The following LINGO1 variants were observed in gnomAD, a reference collection of about 807,000 sequenced individuals.
LINGO1 encodes the protein leucine-rich repeat and immunoglobulin-like domain-containing nogo receptor-interacting protein 1.
A neutral mutation model predicts 37.3 loss-of-function variants in LINGO1; 11 were observed. The ratio of observed to expected loss-of-function variants is 0.29; its 90% CI spans 0.19 to 0.49. LINGO1 has a LOEUF of 0.49. LINGO1 is among the 20% of genes least tolerant of loss of function. The pLI, the probability that LINGO1 is intolerant of heterozygous loss-of-function variation, is 0.99. For missense variants in LINGO1, 585 were observed against 878.2 expected (o/e 0.67, Z 4.22); for synonymous variants, 387 against 403.0 (o/e 0.96, Z 0.48).
chr15:77,760,544 C>A (rs2076465041), intron 1 of LINGO1, among the ~76,000 whole-genome samples: 1 of 152,244 alleles, frequency 6.6e-6, no homozygotes, highest in South Asian at 2.1e-4. Flanking sequence ...TTTATTTCCA[C>A]ATGGGAGCAA....
rs571020516 is a variant in LINGO1, at chr15:77,681,740, G to T, written c.-98-4566C>A. Among the ~76,000 whole-genome samples, 4 of 152,266 alleles carry T rather than the reference G, an allele frequency of 2.6e-5. No individual in the cohort carries two copies. The East Asian group carries it at 7.7e-4, about 29-fold the overall frequency. ...TGGGAATGGAGGAAGAGCTGGCACA[G>T]GAATGAGGGGACAGGTGGAGGGAGG... On this transcript the variant is annotated intron_variant, in intron 2 of 3. Coordinates refer to the LINGO1 transcript ENST00000559893.
intron 2 of LINGO1, among the ~76,000 whole-genome samples, chr15:77,718,246 G>T (rs1404285370): frequency 2.0e-5 from 3 of 150,968 alleles, no homozygotes; most frequent in African/African-American, 7.2e-5. Flanking sequence ...GTGTGAACAT[G>T]CAGGGACAGA....
intron 3 of LINGO1, among the ~76,000 whole-genome samples, chr15:77,672,331 G>C (rs2075265370): frequency 1.3e-5 from 2 of 151,950 alleles, no homozygotes; most frequent in Non-Finnish European, 2.9e-5. Flanking sequence ...CCCCCACTCA[G>C]TGTCCTCAGC....
chr15:77,704,190 C>T (rs2075819785), intron 2 of LINGO1, among the ~76,000 whole-genome samples: 1 of 152,130 alleles, frequency 6.6e-6, no homozygotes, highest in Admixed American at 6.5e-5. Context: ...AGCTTCTGCT[C>T]ATCAGGGCTC....
Position 77,794,495 on chromosome 15 carries a change from C to T in LINGO1, c.-343+1444G>A, listed in dbSNP as rs28450979. On this transcript the variant is annotated intron_variant, in intron 2 of 5. Coordinates refer to the LINGO1 transcript ENST00000562933. ...GTATATGTATATACATACATATATA[C>T]GTATATATGTGTATATACATACATA... 2.1e-4 allele frequency among the ~76,000 whole-genome samples: 24 copies of T among 112,420 alleles called. 2 individuals are homozygous for T. Among genetic ancestry groups the T allele is most frequent in the African/African-American group, 3.1e-4 (9 of 28,970 alleles). The allele number at this position is 112,420 out of a possible 152,430, so 73.8% of individuals were successfully genotyped here.
intron 2 of LINGO1, among the ~76,000 whole-genome samples, chr15:77,689,558 A>G (rs2141247131): frequency 6.6e-6 from 1 of 152,258 alleles, no homozygotes; most frequent in East Asian, 1.9e-4. Context: ...GCTCACGGCC[A>G]ATGACTGATT....
At chr15:77,679,882 T>C (rs894139700) in intron 2 of LINGO1, among the ~76,000 whole-genome samples, 10 of 152,286 alleles carry the variant, frequency 6.6e-5, no homozygotes, top group African/African-American at 2.2e-4. Context: ...GTGGAGAGAA[T>C]AAACAGGAGT....
rs772180754 is a variant in LINGO1 at position 77,701,741 on chromosome 15, C to T, written c.-194-10840G>A. On this transcript the variant is annotated intron_variant, in intron 2 of 3. Coordinates refer to the LINGO1 transcript ENST00000561686. ...CCCTCACTTCCTTTCTCTTGTCATG[C>T]GATGCCAGCTCCCCTTTGCTCTCTG... Among the ~76,000 whole-genome samples, 13 of 152,182 alleles carry T rather than the reference C, an allele frequency of 8.5e-5. 1 individual carries two copies. The highest frequency in any genetic ancestry group is 2.0e-4 in the Admixed American group (3 of 15,282).
chr15:77,742,516 T>C (rs912224839), intron 1 of LINGO1, among the ~76,000 whole-genome samples: 1 of 152,200 alleles, frequency 6.6e-6, no homozygotes, highest in Non-Finnish European at 1.5e-5. Flanking sequence ...AGCCAGCACC[T>C]GGTGGAGGCA....
intron 1 of LINGO1, among the ~76,000 whole-genome samples, chr15:77,775,013 G>A (rs1342159179): frequency 2.6e-5 from 4 of 152,164 alleles, no homozygotes; most frequent in East Asian, 1.9e-4. Context: ...GTCTCACGTC[G>A]CCTGGGGCTG....
At chr15:77,757,170 C>T (rs1451025075) in intron 1 of LINGO1, among the ~76,000 whole-genome samples, 1 of 152,252 alleles carries the variant, frequency 6.6e-6, no homozygotes, top group Non-Finnish European at 1.5e-5. Context: ...AGGGCCACCT[C>T]CTCTAGGAGG....
rs928637390 is a variant in LINGO1 at position 77,819,097 on chromosome 15, T to C, written c.-458+1161A>G. 4.7e-3 allele frequency among the ~76,000 whole-genome samples: 673 copies of C among 142,916 alleles called. 5 individuals are homozygous for C. Among genetic ancestry groups the C allele is most frequent in the African/African-American group, 0.017 (636 of 38,144 alleles). 93.8% of individuals were successfully genotyped at this position (142,916 alleles called of 152,430 possible). Reference sequence around the variant, plus strand: ...GCACGCCCCCTCCCAGCCCCAAGCGTGCACGCCCCCCACGGACGCGCACCC... The same window carrying C: ...GCACGCCCCCTCCCAGCCCCAAGCGCGCACGCCCCCCACGGACGCGCACCC... On this transcript the variant is annotated intron_variant, in intron 1 of 5. Coordinates refer to the LINGO1 transcript ENST00000562933.
At chr15:77,626,236 C>T (rs537854097) in intron 1 of LINGO1, among the ~76,000 whole-genome samples, 1 of 151,846 alleles carries the variant, frequency 6.6e-6, no homozygotes, top group Non-Finnish European at 1.5e-5. Flanking sequence ...GGTCACATGG[C>T]CACCCCATGG....
intron 1 of LINGO1, among the ~76,000 whole-genome samples, chr15:77,623,135 T>C (rs2073976532): frequency 6.6e-6 from 1 of 152,186 alleles, no homozygotes; most frequent in Non-Finnish European, 1.5e-5. Flanking sequence ...CACTCTGCTC[T>C]CCAACTCCCA....
In LINGO1 at chr15:77,676,701, T is replaced by C. The variant is rs116587814; in HGVS notation, c.-13+388A>G. Among the ~76,000 whole-genome samples the C allele has an allele frequency of 7.0e-3, 1,060 of 152,314 alleles. 20 individuals carry two copies. Among genetic ancestry groups the C allele is most frequent in the African/African-American group, 0.025 (1,020 of 41,562 alleles). ...AGGTGAAGGCAAAGGGAGACCAACC[T>C]GGGAGCAAAACCTCCTACAGCCAAG... On this transcript the variant is annotated intron_variant, in intron 3 of 3. Coordinates refer to the LINGO1 transcript ENST00000559893.
chr15:77,750,424 G>A (rs983012459), intron 1 of LINGO1, among the ~76,000 whole-genome samples: 1 of 152,182 alleles, frequency 6.6e-6, no homozygotes, highest in African/African-American at 2.4e-5. Context: ...CCGCCCACAC[G>A]CGTGCACACA....
At chr15:77,697,895 G>A (rs1396621107), upstream of LINGO1, among the ~76,000 whole-genome samples, 3 of 152,224 alleles carry the variant, frequency 2.0e-5, no homozygotes, top group African/African-American at 7.2e-5. Context: ...TGGAGAGGGA[G>A]AAAGCCCCCT....
upstream of LINGO1, chr15:77,634,476 G>A (rs1413231964): frequency 2.6e-6 from 1 of 377,858 alleles, no homozygotes; most frequent in African/African-American, 2.1e-5. Context: ...AGCAACTCTG[G>A]GGGAGGCACT....
At chr15:77,751,388 A>G (rs28557414) in intron 1 of LINGO1, among the ~76,000 whole-genome samples, 13,005 of 152,140 alleles carry the variant, frequency 0.085, 1,854 homozygotes, top group African/African-American at 0.3. Flanking sequence ...ACTATTATCT[A>G]CCTTGCCCGT....
Sources: allele counts gnomAD v4.1 joint callset (sites outside exome capture counted in the v4.1 genomes callset), GRCh38; gene constraint gnomAD v4.1.1; transcripts MANE v1.5; gene names NCBI Gene and HGNC (gene_info 2026-07-23, HGNC 2026-07-21).